Variants in STK32C observed in about 807,000 individuals in gnomAD.
STK32C encodes the protein serine/threonine kinase 32C, also known as serine/threonine-protein kinase 32C.
Under a neutral mutation model 56.5 loss-of-function variants are expected in STK32C, and 31 were observed. The ratio of observed to expected loss-of-function variants is 0.55; its 90% confidence interval spans 0.41 to 0.74. The LOEUF (loss-of-function observed/expected upper bound fraction) is 0.74. Ranked by LOEUF, STK32C falls within the 30% of genes least tolerant of loss-of-function variation. The pLI, the probability that STK32C is intolerant of heterozygous loss-of-function variation, is 0.00. For missense variants in STK32C, 544 were observed against 676.9 expected (o/e 0.80, Z 2.18); for synonymous variants, 309 against 289.4 (o/e 1.07, Z -0.69).
At chr10:132,326,602 C>T (rs1057469396) in intron 1 of STK32C, among the ~76,000 whole-genome samples, 9 of 152,236 alleles carry the variant, frequency 5.9e-5, no homozygotes, top group South Asian at 2.1e-4. Flanking sequence ...GGATTACAGG[C>T]GTGAGCCACC....
chr10:132,323,545 G>A (rs1308721366), downstream of STK32C, among the ~76,000 whole-genome samples: 2 of 152,224 alleles, frequency 1.3e-5, no homozygotes, highest in African/African-American at 2.4e-5. The surrounding 1 kb of genome is among the most constrained non-coding windows in gnomAD (Gnocchi z 4.8). Flanking sequence ...ATGGCCCTCA[G>A]AGACGTCCAT....
At chr10:132,253,585 G>T (rs1306685401) in intron 1 of STK32C, among the ~76,000 whole-genome samples, 4 of 146,554 alleles carry the variant, frequency 2.7e-5, no homozygotes, top group Non-Finnish European at 6.1e-5. Context: ...GAGGGAGCTG[G>T]AGGGAGCCGA....
chr10:132,302,963 A>G (rs1450664041), intron 1 of STK32C, among the ~76,000 whole-genome samples: 1 of 152,208 alleles, frequency 6.6e-6, no homozygotes, highest in Non-Finnish European at 1.5e-5. Context: ...CTTCAAAGCT[A>G]TAGACTAACG....
chr10:132,306,088 C>T (rs2066050216), intron 1 of STK32C, among the ~76,000 whole-genome samples: 1 of 152,214 alleles, frequency 6.6e-6, no homozygotes, highest in Non-Finnish European at 1.5e-5. Flanking sequence ...TGTGACATAA[C>T]ACACTGTGAA....
At chr10:132,296,054 C>T (rs942681734) in intron 1 of STK32C, among the ~76,000 whole-genome samples, 8 of 149,020 alleles carry the variant, frequency 5.4e-5, no homozygotes, top group Admixed American at 2.7e-4. Context: ...AGTGACAGGG[C>T]CAGCATCGGC....
At chr10:132,223,218 T>C (rs1046923189) in intron 8 of STK32C, among the ~76,000 whole-genome samples, 1 of 152,124 alleles carries the variant, frequency 6.6e-6, no homozygotes, top group Non-Finnish European at 1.5e-5. Flanking sequence ...TGCTGCTACC[T>C]AAACCCCTGG....
At chr10:132,215,221 C>T (rs940251718) in intron 10 of STK32C, among the ~76,000 whole-genome samples, 1 of 152,128 alleles carries the variant, frequency 6.6e-6, no homozygotes, top group African/African-American at 2.4e-5. Flanking sequence ...GCCATGTTGC[C>T]CAGCCTGGTC....
chr10:132,232,640 G>GT (rs1193587694), intron 2 of STK32C, among the ~76,000 whole-genome samples: 1 of 152,162 alleles, frequency 6.6e-6, no homozygotes, highest in African/African-American at 2.4e-5. Flanking sequence ...AGAAAATGGA[G>GT]TTTGAGGTCT....
chr10:132,221,665 G>C (rs1030558833), intron 10 of STK32C, among the ~76,000 whole-genome samples: 1 of 145,058 alleles, frequency 6.9e-6, no homozygotes, highest in African/African-American at 2.6e-5. Flanking sequence ...GGGTGAGTGT[G>C]AGGGCTTCAC....
chr10:132,217,027 G>A (rs897421934), intron 10 of STK32C, among the ~76,000 whole-genome samples: 1 of 151,576 alleles, frequency 6.6e-6, no homozygotes, highest in Non-Finnish European at 1.5e-5. Flanking sequence ...GGAGCTCTGA[G>A]AAGAGGGCCA....
intron 10 of STK32C, among the ~76,000 whole-genome samples, chr10:132,222,367 G>T (rs1234126215): frequency 7.9e-5 from 12 of 151,368 alleles, no homozygotes; most frequent in Admixed American, 7.9e-4. Context: ...ACCAACACCA[G>T]CACACCTGGG....
At chr10:132,303,910 C>T (rs564956771) in intron 1 of STK32C, among the ~76,000 whole-genome samples, 14 of 152,368 alleles carry the variant, frequency 9.2e-5, no homozygotes, top group Admixed American at 3.3e-4. Flanking sequence ...GTGCCTCCCG[C>T]CACCCACTGC....
At chr10:132,260,164 T>C (rs934161415) in intron 1 of STK32C, among the ~76,000 whole-genome samples, 2 of 151,890 alleles carry the variant, frequency 1.3e-5, no homozygotes, top group Non-Finnish European at 2.9e-5. Flanking sequence ...GAAATAACTG[T>C]TCAGGTTGAG....
chr10:132,309,206 G>GC (rs2066173221), upstream of STK32C, among the ~76,000 whole-genome samples: 6 of 152,240 alleles, frequency 3.9e-5, no homozygotes, highest in South Asian at 1.2e-3. Flanking sequence ...CAGTGTGGCC[G>GC]CCCGCCCTAA....
intron 1 of STK32C, among the ~76,000 whole-genome samples, chr10:132,280,402 GC>G (rs1564772500): frequency 8.7e-6 from 1 of 115,464 alleles, no homozygotes; most frequent in Admixed American, 9.0e-5. Context: ...CCGTGATCAC[GC>G]ACCTCCACCC....
chr10:132,332,120 T>A, upstream of STK32C: 1 of 182,284 alleles, frequency 5.5e-6, no homozygotes, highest in Non-Finnish European at 1.1e-5. Flanking sequence ...ACAGACACAC[T>A]CGCGCTCAGC....
chr10:132,268,161 G>C (rs2064650100), intron 1 of STK32C, among the ~76,000 whole-genome samples: 1 of 148,398 alleles, frequency 6.7e-6, no homozygotes, highest in African/African-American at 2.5e-5. Flanking sequence ...GTGTGTGTCG[G>C]TGTGTGTGCA....
chr10:132,255,221 C>T lies in STK32C; in HGVS notation c.263-9266G>A, dbSNP rs578214799. 8.5e-5 allele frequency among the ~76,000 whole-genome samples: 13 copies of T among 152,200 alleles called. No individual in the cohort carries two copies. Among genetic ancestry groups the T allele is most frequent in the Non-Finnish European group, 8.8e-5 (6 of 68,038 alleles). ...CCCCAGGACTCCGAGACGCAGGCCCCGCAGAGCTTGTGCAGCCTCTGGGGA... is the reference window on the plus strand; with the variant it reads ...CCCCAGGACTCCGAGACGCAGGCCCTGCAGAGCTTGTGCAGCCTCTGGGGA... On this transcript the variant is annotated intron_variant, in intron 1 of 11. Transcript: ENST00000298630. This position sits in a 1 kb window ranked among gnomAD's most constrained non-coding sequence, Gnocchi z 4.6.
At chr10:132,298,183 AC>A (rs926429425) in intron 1 of STK32C, among the ~76,000 whole-genome samples, 2 of 152,010 alleles carry the variant, frequency 1.3e-5, no homozygotes, top group African/African-American at 2.4e-5. Context: ...GCCCTAGCCC[AC>A]CCCCAGATGC....
Sources: allele counts gnomAD v4.1 joint callset (sites outside exome capture counted in the v4.1 genomes callset), GRCh38; gene constraint gnomAD v4.1.1; non-coding constraint Gnocchi (gnomAD v3.1); transcripts MANE v1.5; gene names NCBI Gene and HGNC (gene_info 2026-07-23, HGNC 2026-07-21).